Variants in KCNT2 observed in about 807,000 individuals in gnomAD.
KCNT2 encodes potassium channel subfamily T member 2.
Under a neutral mutation model 153.8 loss-of-function variants are expected in KCNT2, and 67 were observed. The ratio of observed to expected loss-of-function variants is 0.44; its 90% CI spans 0.36 to 0.53. The LOEUF (loss-of-function observed/expected upper bound fraction) is 0.53, where lower values mean the gene tolerates loss of function less well. Ranked by LOEUF, KCNT2 falls within the 20% of genes least tolerant of loss-of-function variation. KCNT2 has a pLI of 0.00. For synonymous variants in KCNT2, 500 were observed against 458.8 expected (o/e 1.09, Z -1.15); for missense variants, 975 against 1,354.8 (o/e 0.72, Z 4.40).
At chr1:196,601,221 G>T (rs945825282) in intron 1 of KCNT2, among the ~76,000 whole-genome samples, 1 of 152,058 alleles carries the variant, frequency 6.6e-6, no homozygotes, top group Non-Finnish European at 1.5e-5. Flanking sequence ...CTTACACCTC[G>T]ATCTCAACAC....
chr1:196,293,917 C>A (rs1276232366), intron 22 of KCNT2, among the ~76,000 whole-genome samples: 1 of 150,918 alleles, frequency 6.6e-6, no homozygotes, highest in Non-Finnish European at 1.5e-5. Context: ...GAACAGACAT[C>A]CTATAGATTA....
intron 8 of KCNT2, among the ~76,000 whole-genome samples, chr1:196,458,058 A>G (rs1337563862): frequency 6.6e-6 from 1 of 151,958 alleles, no homozygotes; most frequent in East Asian, 1.9e-4. Context: ...ATTTCATCTC[A>G]GCCCCAACCT....
At chr1:196,468,744 T>C (rs531542693) in intron 6 of KCNT2, among the ~76,000 whole-genome samples, 2 of 152,174 alleles carry the variant, frequency 1.3e-5, no homozygotes, top group South Asian at 4.1e-4. Context: ...CAATGACATT[T>C]GTCAAATGGC....
intron 12 of KCNT2, among the ~76,000 whole-genome samples, chr1:196,419,871 C>T (rs1434627637): frequency 6.6e-6 from 1 of 151,956 alleles, no homozygotes; most frequent in Non-Finnish European, 1.5e-5. Context: ...CCCTGACCAG[C>T]ACAGATCTTT....
intron 14 of KCNT2, among the ~76,000 whole-genome samples, chr1:196,351,899 C>G (rs373178365): frequency 5.3e-4 from 80 of 152,092 alleles, no homozygotes; most frequent in East Asian, 1.7e-3. Flanking sequence ...AATTTATTGA[C>G]AGTTTTTAGC....
chr1:196,571,988 G>T (rs1660832033), intron 1 of KCNT2, among the ~76,000 whole-genome samples: 1 of 152,042 alleles, frequency 6.6e-6, no homozygotes. Context: ...GGACCTGAAA[G>T]GCAACCTCTC....
intron 1 of KCNT2, among the ~76,000 whole-genome samples, chr1:196,526,599 C>T (rs1462296012): frequency 4.0e-5 from 6 of 151,828 alleles, no homozygotes; most frequent in Non-Finnish European, 8.8e-5. Context: ...ATTACAGGCA[C>T]GCGCTGCCAC....
chr1:196,462,534 T>G (rs1474666372), intron 8 of KCNT2, among the ~76,000 whole-genome samples: 1 of 151,740 alleles, frequency 6.6e-6, no homozygotes, highest in African/African-American at 2.4e-5. Flanking sequence ...TATTTTTAAG[T>G]AATTTAGTTT....
intron 16 of KCNT2, among the ~76,000 whole-genome samples, chr1:196,337,696 A>C (rs1665171713): frequency 6.6e-6 from 1 of 151,986 alleles, no homozygotes; most frequent in Admixed American, 6.6e-5. Context: ...CTAATTCCTC[A>C]TTTCTTTCAG....
intron 19 of KCNT2, among the ~76,000 whole-genome samples, chr1:196,324,530 ATCTC>A (rs780904512): frequency 3.9e-5 from 6 of 152,050 alleles, no homozygotes; most frequent in Non-Finnish European, 8.8e-5. Flanking sequence ...TGCTTGGCAC[ATCTC>A]TCTAAGACTA....
At chr1:196,450,811 G>A (rs1676094967) in intron 8 of KCNT2, among the ~76,000 whole-genome samples, 1 of 151,804 alleles carries the variant, frequency 6.6e-6, no homozygotes, top group Non-Finnish European at 1.5e-5. Context: ...ACGTCTATCT[G>A]AGTACGTTCT....
At chr1:196,435,092 G>A (rs1452513760) in intron 8 of KCNT2, among the ~76,000 whole-genome samples, 1 of 139,656 alleles carries the variant, frequency 7.2e-6, no homozygotes, top group African/African-American at 2.7e-5. Context: ...ACTAAGTTTA[G>A]GGGTGTTTTG....
intron 8 of KCNT2, among the ~76,000 whole-genome samples, chr1:196,438,268 A>T (rs888395243): frequency 6.6e-6 from 1 of 151,882 alleles, no homozygotes; most frequent in African/African-American, 2.4e-5. Context: ...TTACAAAAAA[A>T]TAAAATATTA....
chr1:196,595,548 C>T (rs184918214), intron 1 of KCNT2, among the ~76,000 whole-genome samples: 5 of 152,152 alleles, frequency 3.3e-5, no homozygotes, highest in Middle Eastern at 3.4e-3. Flanking sequence ...AATGACATAA[C>T]GTTTGCACAT....
intron 21 of KCNT2, among the ~76,000 whole-genome samples, chr1:196,309,089 A>AAC (rs2147994180): frequency 6.6e-6 from 1 of 152,010 alleles, no homozygotes; most frequent in South Asian, 2.1e-4. Context: ...TGGCTAACAA[A>AAC]ACACTCCTAG....
At chr1:196,348,636 T>C (rs969203780) in intron 14 of KCNT2, among the ~76,000 whole-genome samples, 3 of 152,174 alleles carry the variant, frequency 2.0e-5, no homozygotes, top group Admixed American at 2.0e-4. Context: ...TGATCTCGGA[T>C]TTTAAAAAAA....
chr1:196,562,694 G>A (rs766313144), intron 1 of KCNT2, among the ~76,000 whole-genome samples: 100 of 150,802 alleles, frequency 6.6e-4, no homozygotes, highest in Non-Finnish European at 8.6e-4. Flanking sequence ...GTAAGGTTCT[G>A]ATTTCTTTCT....
At chr1:196,362,559 T>A (rs1039546536) in intron 14 of KCNT2, among the ~76,000 whole-genome samples, 4 of 152,066 alleles carry the variant, frequency 2.6e-5, no homozygotes, top group East Asian at 3.9e-4. Context: ...AAAAAAGCAT[T>A]GCTTTACCTG....
At chr1:196,588,028 T>C (rs564332479) in intron 1 of KCNT2, among the ~76,000 whole-genome samples, 4 of 152,138 alleles carry the variant, frequency 2.6e-5, no homozygotes, top group African/African-American at 9.6e-5. Flanking sequence ...ATAATCATAA[T>C]CAATACTTTG....
Sources: allele counts gnomAD v4.1 joint callset (sites outside exome capture counted in the v4.1 genomes callset), GRCh38; gene constraint gnomAD v4.1.1; transcripts MANE v1.5; gene names NCBI Gene and HGNC (gene_info 2026-07-23, HGNC 2026-07-21).